The following CSTPP1 variants were observed in gnomAD, a reference collection of about 807,000 sequenced individuals.
The protein encoded by CSTPP1 is UPF0705 protein C11orf49.
chr11:47,070,081 CTCTAAAGTAGA>C, the CSTPP1 span, among the ~76,000 whole-genome samples: 1 of 152,024 alleles, frequency 6.6e-6, no homozygotes. Context: ...TAAACGCATT[CTCTAAAGTAGA>C]TCTACCAAGC....
the CSTPP1 span, among the ~76,000 whole-genome samples, chr11:46,937,232 G>A: frequency 7.2e-5 from 11 of 152,324 alleles, no homozygotes; most frequent in African/African-American, 2.6e-4. Context: ...ATTAGGCACT[G>A]TGCTAAGCAT....
chr11:47,153,280 T>C, the CSTPP1 span, among the ~76,000 whole-genome samples: 2 of 152,290 alleles, frequency 1.3e-5, no homozygotes, highest in African/African-American at 4.8e-5. Flanking sequence ...GGCACCCTCT[T>C]GTGGCCCTCA....
chr11:47,086,618 A>G, the CSTPP1 span, among the ~76,000 whole-genome samples: 13 of 152,254 alleles, frequency 8.5e-5, no homozygotes, highest in African/African-American at 3.1e-4. Context: ...TGGGTAAAGA[A>G]GACTTGATTT....
At chr11:46,966,627 A>G in the CSTPP1 span, among the ~76,000 whole-genome samples, 11 of 152,172 alleles carry the variant, frequency 7.2e-5, no homozygotes, top group African/African-American at 2.4e-4. Context: ...AAAAAAAAAC[A>G]GCTAGTTGAG....
chr11:47,038,468 C>A, the CSTPP1 span, among the ~76,000 whole-genome samples: 6 of 108,194 alleles, frequency 5.5e-5, no homozygotes, highest in Non-Finnish European at 9.3e-5. Flanking sequence ...ACCCCCCCAC[C>A]TCCCTCCCGG....
chr11:46,947,737 C>T, the CSTPP1 span, among the ~76,000 whole-genome samples: 15,280 of 152,120 alleles, frequency 0.1, 2,548 homozygotes, highest in African/African-American at 0.35. Flanking sequence ...TATCTAGCCC[C>T]GAGATTACAG....
the CSTPP1 span, among the ~76,000 whole-genome samples, chr11:47,094,769 C>T: frequency 6.6e-6 from 1 of 152,168 alleles, no homozygotes; most frequent in Non-Finnish European, 1.5e-5. Flanking sequence ...CAAACATTGC[C>T]ATCATCACAG....
the CSTPP1 span, among the ~76,000 whole-genome samples, chr11:46,993,980 A>G: frequency 6.6e-6 from 1 of 152,152 alleles, no homozygotes; most frequent in East Asian, 1.9e-4. Flanking sequence ...TTCTCCTTGA[A>G]GAGGTCCTTC....
chr11:47,042,350 T>G, the CSTPP1 span, among the ~76,000 whole-genome samples: 52 of 140,848 alleles, frequency 3.7e-4, no homozygotes, highest in African/African-American at 1.1e-3. Context: ...CTTCTGTTTT[T>G]TTTTTTTTTT....
the CSTPP1 span, among the ~76,000 whole-genome samples, chr11:47,143,161 G>A: frequency 1.3e-5 from 2 of 152,170 alleles, no homozygotes; most frequent in Non-Finnish European, 2.9e-5. Context: ...TACTGCAGCT[G>A]GTGCATATGT....
chr11:46,975,311 T>C, the CSTPP1 span, among the ~76,000 whole-genome samples: 1 of 152,166 alleles, frequency 6.6e-6, no homozygotes, highest in African/African-American at 2.4e-5. Flanking sequence ...TATATTTCTA[T>C]AGTGCAATAA....
chr11:47,140,350 A>C, the CSTPP1 span, among the ~76,000 whole-genome samples: 1 of 152,004 alleles, frequency 6.6e-6, no homozygotes, highest in Non-Finnish European at 1.5e-5. Context: ...AAAGCAGCCA[A>C]ATGGAGTTAG....
At chr11:46,957,693 G>GT in the CSTPP1 span, among the ~76,000 whole-genome samples, 5 of 152,092 alleles carry the variant, frequency 3.3e-5, no homozygotes, top group Admixed American at 3.3e-4. Context: ...TGAATTATGT[G>GT]TTTAATATTG....
At chr11:47,120,484 TC>T in the CSTPP1 span, among the ~76,000 whole-genome samples, 1 of 152,222 alleles carries the variant, frequency 6.6e-6, no homozygotes, top group Non-Finnish European at 1.5e-5. This position sits in a 1 kb window ranked among gnomAD's most constrained non-coding sequence, Gnocchi z 4.2. Context: ...TGATCTATGA[TC>T]CTGTGATTCC....
At chr11:47,019,316 T>C in the CSTPP1 span, among the ~76,000 whole-genome samples, 1 of 152,348 alleles carries the variant, frequency 6.6e-6, no homozygotes, top group Admixed American at 6.5e-5. Flanking sequence ...TGGCCTGGAA[T>C]GTCCTTTAAA....
At chr11:47,125,552 ACTT>A in the CSTPP1 span, among the ~76,000 whole-genome samples, 1 of 152,234 alleles carries the variant, frequency 6.6e-6, no homozygotes, top group Admixed American at 6.5e-5. Context: ...AATCTGTTCC[ACTT>A]CTTATTTATT....
chr11:46,974,857 AACACACACACACAC>A, the CSTPP1 span, among the ~76,000 whole-genome samples: 76,772 of 144,110 alleles, frequency 0.53, 21,918 homozygotes, highest in Non-Finnish European at 0.64. Flanking sequence ...TCTATCTCAA[AACACACACACACAC>A]ACACACACAC....
chr11:47,028,376 A>G, the CSTPP1 span, among the ~76,000 whole-genome samples: 2 of 152,204 alleles, frequency 1.3e-5, no homozygotes, highest in African/African-American at 2.4e-5. Context: ...TCAGGATCAT[A>G]TTGTTCACTT....
the CSTPP1 span, among the ~76,000 whole-genome samples, chr11:47,087,885 G>A: frequency 6.6e-6 from 1 of 152,142 alleles, no homozygotes; most frequent in Non-Finnish European, 1.5e-5. Flanking sequence ...TCTCTTCTAA[G>A]GTTGAAATCA....
Sources: gnomAD v4.1 joint callset for allele counts (sites outside exome capture counted in the v4.1 genomes callset) on GRCh38, gnomAD v4.1.1 for gene constraint, Gnocchi (gnomAD v3.1) non-coding constraint, MANE v1.5 for transcripts, NCBI Gene and HGNC (gene_info 2026-07-23, HGNC 2026-07-21) for gene names.